The following RARB variants were observed in gnomAD, a reference collection of about 807,000 sequenced individuals.
RARB encodes retinoic acid receptor beta.
RARB carries 17 observed loss-of-function variants against 51.9 expected under a neutral mutation model. The ratio of observed to expected loss-of-function variants is 0.33; its 90% CI spans 0.22 to 0.49. The LOEUF (loss-of-function observed/expected upper bound fraction) is 0.49, where lower values mean the gene tolerates loss of function less well. Ranked by LOEUF, RARB falls within the 20% of genes least tolerant of loss-of-function variation. RARB has a pLI of 0.99. For synonymous variants in RARB, 215 were observed against 195.4 expected, an observed-to-expected ratio of 1.10 and a Z score of -0.84; for missense variants, 369 against 550.8, an observed-to-expected ratio of 0.67 and a Z score of 3.30.
chr3:25,339,546 C>G (rs536425862), intron 5 of RARB, among the ~76,000 whole-genome samples: 50 of 151,670 alleles, frequency 3.3e-4, no homozygotes, highest in Non-Finnish European at 6.3e-4. Flanking sequence ...TCGTTTGTTT[C>G]TCAATTAAAT....
chr3:24,903,343 T>C (rs1163307413), intron 2 of RARB, among the ~76,000 whole-genome samples: 2 of 152,152 alleles, frequency 1.3e-5, no homozygotes, highest in Non-Finnish European at 2.9e-5. Flanking sequence ...GAAAAAGTAA[T>C]AATGTAAAAT....
chr3:24,845,798 C>T (rs1702479282), intron 1 of RARB, among the ~76,000 whole-genome samples: 1 of 152,036 alleles, frequency 6.6e-6, no homozygotes, highest in African/African-American at 2.4e-5. Context: ...TCTTGGCATG[C>T]CACATTTTAA....
At chr3:25,123,246 G>A (rs1699811797) in intron 3 of RARB, among the ~76,000 whole-genome samples, 1 of 152,142 alleles carries the variant, frequency 6.6e-6, no homozygotes, top group Non-Finnish European at 1.5e-5. Flanking sequence ...GGTCTACTTT[G>A]GGAAGTGTGT....
At chr3:24,891,612 C>CT (rs1028909278) in intron 2 of RARB, among the ~76,000 whole-genome samples, 1 of 152,092 alleles carries the variant, frequency 6.6e-6, no homozygotes, top group Non-Finnish European at 1.5e-5. Context: ...TTCATCATAA[C>CT]TTTTTTGTGG....
At chr3:25,205,070 T>C (rs1701502897) in intron 5 of RARB, among the ~76,000 whole-genome samples, 1 of 152,188 alleles carries the variant, frequency 6.6e-6, no homozygotes, top group Admixed American at 6.5e-5. Flanking sequence ...TGGTGGGCTC[T>C]ACCCGGTTCG....
chr3:25,530,021 G>C (rs1010403710), intron 3 of RARB, among the ~76,000 whole-genome samples: 5 of 151,856 alleles, frequency 3.3e-5, no homozygotes, highest in Admixed American at 2.6e-4. Flanking sequence ...AGCAACCCAC[G>C]GACCCGTGGC....
chr3:25,415,516 A>G (rs1052038233), intron 5 of RARB, among the ~76,000 whole-genome samples: 1 of 152,168 alleles, frequency 6.6e-6, no homozygotes, highest in African/African-American at 2.4e-5. Flanking sequence ...TTTGTATGCA[A>G]TATATACCCC....
At chr3:25,104,714 C>G (rs1699465844) in intron 3 of RARB, among the ~76,000 whole-genome samples, 1 of 152,078 alleles carries the variant, frequency 6.6e-6, no homozygotes, top group African/African-American at 2.4e-5. Flanking sequence ...ATCCAAAGGC[C>G]CATCAATGTT....
chr3:25,056,898 A>G (rs910048702), intron 2 of RARB, among the ~76,000 whole-genome samples: 1 of 152,078 alleles, frequency 6.6e-6, no homozygotes, highest in Non-Finnish European at 1.5e-5. Flanking sequence ...GTGACTCGCT[A>G]AAGTCTGTGT....
At chr3:25,038,947 T>C (rs1032985783) in intron 2 of RARB, among the ~76,000 whole-genome samples, 50 of 152,304 alleles carry the variant, frequency 3.3e-4, no homozygotes, top group African/African-American at 1.1e-3. Context: ...TGCTTTGCCT[T>C]TTTACCCTTA....
chr3:25,135,144 G>A (rs1432722954), intron 4 of RARB, among the ~76,000 whole-genome samples: 1 of 151,548 alleles, frequency 6.6e-6, no homozygotes, highest in Admixed American at 6.6e-5. Context: ...TTTCTGGGGT[G>A]GTAGAAATTG....
At chr3:24,920,430 C>A (rs1200149815) in intron 2 of RARB, among the ~76,000 whole-genome samples, 1 of 152,188 alleles carries the variant, frequency 6.6e-6, no homozygotes, top group Non-Finnish European at 1.5e-5. Context: ...TAGTCTTTCC[C>A]ATACCCATTT....
At chr3:25,182,748 C>T (rs1186894903) in intron 5 of RARB, among the ~76,000 whole-genome samples, 1 of 152,122 alleles carries the variant, frequency 6.6e-6, no homozygotes, top group Non-Finnish European at 1.5e-5. Context: ...TAAATTGTGT[C>T]CTCTAAAGAG....
chr3:25,510,702 T>A (rs1211068164), intron 3 of RARB, among the ~76,000 whole-genome samples: 3 of 152,252 alleles, frequency 2.0e-5, no homozygotes, highest in Non-Finnish European at 4.4e-5. Context: ...AAGTGTAAAC[T>A]GCACACTGTG....
intron 2 of RARB, among the ~76,000 whole-genome samples, chr3:24,998,263 T>C (rs1054405048): frequency 1.3e-5 from 2 of 148,526 alleles, no homozygotes; most frequent in African/African-American, 4.9e-5. Flanking sequence ...TCACGGCCTT[T>C]TGACTTGTAG....
chr3:25,522,966 C>A (rs770500018), intron 3 of RARB, among the ~76,000 whole-genome samples: 1 of 152,132 alleles, frequency 6.6e-6, no homozygotes, highest in African/African-American at 2.4e-5. Flanking sequence ...ATGGTGCTGT[C>A]TAGAAAGTTC....
intron 3 of RARB, among the ~76,000 whole-genome samples, chr3:25,110,936 G>A (rs1699590831): frequency 6.6e-6 from 1 of 152,156 alleles, no homozygotes; most frequent in African/African-American, 2.4e-5. Flanking sequence ...TAAATAGAGT[G>A]TATTTTTACA....
At chr3:25,094,716 CAAAAAAAAA>C (rs57477720) in intron 3 of RARB, among the ~76,000 whole-genome samples, 3 of 43,092 alleles carry the variant, frequency 7.0e-5, no homozygotes, top group Non-Finnish European at 1.2e-4. Context: ...GACCCCATCT[CAAAAAAAAA>C]AAAAAAAAAA....
chr3:25,375,460 T>C (rs1706432033), intron 5 of RARB, among the ~76,000 whole-genome samples: 2 of 152,200 alleles, frequency 1.3e-5, no homozygotes, highest in Non-Finnish European at 2.9e-5. Context: ...TGCAATAATA[T>C]GGTGATTGTG....
Sources: allele counts gnomAD v4.1 joint callset (sites outside exome capture counted in the v4.1 genomes callset), GRCh38; gene constraint gnomAD v4.1.1; transcripts MANE v1.5; gene names NCBI Gene and HGNC (gene_info 2026-07-23, HGNC 2026-07-21).